SHISA9: variants seen among roughly 807,000 people sequenced by gnomAD.
SHISA9 encodes the protein protein shisa-9.
A neutral mutation model predicts 38.0 loss-of-function variants in SHISA9; 13 were observed. The ratio of observed to expected loss-of-function variants is 0.34; its 90% CI spans 0.22 to 0.54. SHISA9 has a LOEUF of 0.54. Among genes scored for constraint, SHISA9 ranks in the 20% least tolerant of loss-of-function variants. The probability of loss-of-function intolerance (pLI) is 0.91; values close to 1 mark genes in which losing one functional copy is unlikely to be tolerated. For missense variants in SHISA9, 538 were observed against 575.8 expected (o/e 0.93, Z 0.67); for synonymous variants, 275 against 242.0 (o/e 1.14, Z -1.27).
chr16:13,548,974 G>A, the SHISA9 span, among the ~76,000 whole-genome samples: 1 of 152,148 alleles, frequency 6.6e-6, no homozygotes, highest in Admixed American at 6.5e-5. Context: ...ATCCCACAGT[G>A]AATGAATGGA....
chr16:13,133,661 C>T (rs531208092), intron 2 of SHISA9, among the ~76,000 whole-genome samples: 11 of 152,264 alleles, frequency 7.2e-5, no homozygotes, highest in Admixed American at 4.6e-4. Context: ...TCACATTTCG[C>T]CCACATTACC....
intron 2 of SHISA9, among the ~76,000 whole-genome samples, chr16:13,121,332 T>A (rs536413857): frequency 6.6e-6 from 1 of 152,052 alleles, no homozygotes; most frequent in East Asian, 1.9e-4. Context: ...CTACAAAAAA[T>A]TTTAAAATTA....
intron 2 of SHISA9, among the ~76,000 whole-genome samples, chr16:13,147,400 A>AT (rs987498210): frequency 3.5e-5 from 5 of 142,256 alleles, no homozygotes; most frequent in East Asian, 2.1e-4. Context: ...AAGGCTAGGG[A>AT]TTTTTTTTCT....
At chr16:13,525,677 T>TAAGA in the SHISA9 span, among the ~76,000 whole-genome samples, 1 of 152,262 alleles carries the variant, frequency 6.6e-6, no homozygotes, top group African/African-American at 2.4e-5. Context: ...TACTTTATTA[T>TAAGA]AAGAAATATC....
At chr16:13,095,761 G>A (rs1023185957) in intron 2 of SHISA9, among the ~76,000 whole-genome samples, 1 of 152,212 alleles carries the variant, frequency 6.6e-6, no homozygotes, top group African/African-American at 2.4e-5. Flanking sequence ...GGCACCTTGT[G>A]AATACTCGAT....
intron 1 of SHISA9, among the ~76,000 whole-genome samples, chr16:12,912,499 T>A (rs1281930329): frequency 6.6e-6 from 1 of 152,186 alleles, no homozygotes; most frequent in African/African-American, 2.4e-5. Context: ...GGCTTCTTGC[T>A]CGAGAAACAT....
chr16:13,103,470 G>A lies in SHISA9; in HGVS notation c.692-99924G>A, dbSNP rs537031270. Among the ~76,000 whole-genome samples the A allele has an allele frequency of 4.7e-4, 72 of 152,332 alleles. 1 individual carries two copies. In the South Asian group the frequency reaches 0.015, roughly 31 times the overall value. On this transcript the variant is annotated intron_variant, in intron 2 of 4. Coordinates refer to ENST00000558583, the MANE Select transcript of SHISA9 (RefSeq NM_001145204.3). Reference sequence around the variant, plus strand: ...GTGAGTGGAAAGACCAGGGGCTAATGAATGGGAAGAAAGCCAGGGACACAG... The same window carrying A: ...GTGAGTGGAAAGACCAGGGGCTAATAAATGGGAAGAAAGCCAGGGACACAG...
chr16:13,230,553 C>G (rs567865682), intron 4 of SHISA9, among the ~76,000 whole-genome samples: 1 of 152,048 alleles, frequency 6.6e-6, no homozygotes, highest in Non-Finnish European at 1.5e-5. Flanking sequence ...AAGGAAGAGG[C>G]TGAAGAACAG....
At chr16:13,470,331 A>G in the SHISA9 span, among the ~76,000 whole-genome samples, 28 of 152,298 alleles carry the variant, frequency 1.8e-4, no homozygotes, top group African/African-American at 6.5e-4. Flanking sequence ...TATCTATAGA[A>G]TTTAATGTAT....
the SHISA9 span, among the ~76,000 whole-genome samples, chr16:13,487,357 G>A: frequency 6.6e-6 from 1 of 152,218 alleles, no homozygotes; most frequent in Non-Finnish European, 1.5e-5. Context: ...CGTACAGGAA[G>A]CATCACATAA....
chr16:13,334,161 G>T, the SHISA9 span, among the ~76,000 whole-genome samples: 1 of 152,104 alleles, frequency 6.6e-6, no homozygotes, highest in Admixed American at 6.6e-5. Flanking sequence ...CTCCTCATTG[G>T]GGGCAGACAA....
the SHISA9 span, among the ~76,000 whole-genome samples, chr16:13,549,451 A>G: frequency 6.6e-6 from 1 of 152,224 alleles, no homozygotes; most frequent in Non-Finnish European, 1.5e-5. Context: ...TTATGTGTCA[A>G]TTAAAAACAA....
At chr16:13,275,434 C>T in the SHISA9 span, among the ~76,000 whole-genome samples, 2 of 152,012 alleles carry the variant, frequency 1.3e-5, no homozygotes, top group African/African-American at 2.4e-5. Context: ...CAATATTTTA[C>T]AATTTTCTTT....
intron 2 of SHISA9, among the ~76,000 whole-genome samples, chr16:13,070,964 C>T (rs904359533): frequency 6.6e-6 from 1 of 152,170 alleles, no homozygotes; most frequent in Non-Finnish European, 1.5e-5. Flanking sequence ...CTTTCCTCCA[C>T]TCTTATCCTT....
intron 2 of SHISA9, among the ~76,000 whole-genome samples, chr16:13,196,289 C>T (rs1365778808): frequency 6.1e-5 from 9 of 147,522 alleles, no homozygotes; most frequent in Admixed American, 2.1e-4. Context: ...TCCAGCTACT[C>T]GGGAGGCTGA....
chr16:13,045,520 A>T lies in SHISA9; in HGVS notation c.691+128705A>T, dbSNP rs141488171. Among the ~76,000 whole-genome samples, 1,251 of 151,560 alleles carry T rather than the reference A, an allele frequency of 8.3e-3. 4 individuals are homozygous for T. Among genetic ancestry groups the T allele is most frequent in the South Asian group, 0.018 (87 of 4,754 alleles). On this transcript the variant is annotated intron_variant, in intron 2 of 4. Transcript: ENST00000558583. The stretch of plus-strand genomic sequence containing the variant: ...GAAATATTTATTGAGCATCTACTAC[A>T]TGCTTGGCTCTGTTGAAAACTCTGG...
intron 2 of SHISA9, among the ~76,000 whole-genome samples, chr16:13,026,099 C>G (rs534970118): frequency 6.6e-6 from 1 of 152,198 alleles, no homozygotes; most frequent in South Asian, 2.1e-4. Context: ...GCCACCGCGC[C>G]CACCTTAACA....
In SHISA9 at chr16:13,100,629, G is replaced by A. The variant is rs374862220; in HGVS notation, c.692-102765G>A. 4.6e-5 allele frequency among the ~76,000 whole-genome samples: 7 copies of A among 152,210 alleles called. No individual in the cohort carries two copies. In the East Asian group the frequency reaches 1.3e-3, roughly 29 times the overall value. On this transcript the variant is annotated intron_variant, in intron 2 of 4. Coordinates refer to ENST00000558583, the MANE Select transcript of SHISA9 (RefSeq NM_001145204.3). ...GACTCCTTGTTCGGGGCCTCCAGAA[G>A]TGTGCACTCCAGGAGAAAGGATAGC...
At chr16:13,379,667 G>A in the SHISA9 span, among the ~76,000 whole-genome samples, 3 of 152,156 alleles carry the variant, frequency 2.0e-5, no homozygotes, top group South Asian at 4.1e-4. Context: ...ATCCTGGTAG[G>A]CACATGGTAT....
Sources: allele counts gnomAD v4.1 joint callset (sites outside exome capture counted in the v4.1 genomes callset), GRCh38; gene constraint gnomAD v4.1.1; transcripts MANE v1.5; gene names NCBI Gene and HGNC (gene_info 2026-07-23, HGNC 2026-07-21).